Variants in CHODL observed in about 807,000 individuals in gnomAD.
CHODL encodes the protein chondrolectin.
A neutral mutation model predicts 34.5 loss-of-function variants in CHODL; 29 were observed. The ratio of observed to expected loss-of-function variants is 0.84; its 90% confidence interval spans 0.63 to 1.15. The LOEUF (loss-of-function observed/expected upper bound fraction) is 1.15, where lower values mean the gene tolerates loss of function less well. Among genes scored for constraint, CHODL ranks in the 50% most tolerant of loss-of-function variants. The probability of loss-of-function intolerance (pLI) is 0.00; values close to 1 mark genes in which losing one functional copy is unlikely to be tolerated. For synonymous variants in CHODL, 125 were observed against 116.1 expected (o/e 1.08, Z -0.49); for missense variants, 332 against 332.5 (o/e 1.00, Z 0.01).
intron 2 of CHODL, among the ~76,000 whole-genome samples, chr21:18,208,204 T>C (rs1285912647): frequency 6.6e-6 from 1 of 150,420 alleles, no homozygotes; most frequent in Non-Finnish European, 1.5e-5. Flanking sequence ...GACTGTGCAA[T>C]TTCAAATAGC....
intron 2 of CHODL, among the ~76,000 whole-genome samples, chr21:18,102,119 A>G (rs924124389): frequency 1.3e-5 from 2 of 152,152 alleles, no homozygotes; most frequent in African/African-American, 2.4e-5. Flanking sequence ...CTTGCATTTT[A>G]TAGCTGCCCA....
rs16998278 is a variant in CHODL, at chr21:18,256,843, G to A, written c.389+25G>A. On this transcript the variant is annotated intron_variant, in intron 2 of 5. Transcript: ENST00000299295. ...GGTGAGTATGGATCTTGAGCAGTTG[G>A]CAGGTGCTCTGGGGAACTCCAAAGA... 12,879 of 1,599,556 alleles carry A rather than the reference G, an allele frequency of 8.1e-3. 888 individuals carry two copies. In the African/African-American group the frequency reaches 0.15, roughly 19 times the overall value.
intron 2 of CHODL, among the ~76,000 whole-genome samples, chr21:18,120,213 G>T (rs2065463340): frequency 6.6e-6 from 1 of 152,000 alleles, no homozygotes; most frequent in East Asian, 1.9e-4. Flanking sequence ...CCAACATAAA[G>T]TTATTTTCTG....
intron 1 of CHODL, among the ~76,000 whole-genome samples, chr21:17,967,699 G>A (rs1324682613): frequency 2.7e-5 from 4 of 149,914 alleles, no homozygotes; most frequent in Middle Eastern, 6.8e-3. Flanking sequence ...AAGGAGGAGT[G>A]CAAAAAAGTG....
intron 1 of CHODL, among the ~76,000 whole-genome samples, chr21:17,975,116 A>G (rs1026750471): frequency 1.4e-4 from 21 of 152,110 alleles, no homozygotes; most frequent in Non-Finnish European, 2.5e-4. Context: ...ACACGAGGTC[A>G]GGAGTTCAAG....
chr21:18,129,025 T>C (rs137905922), intron 2 of CHODL, among the ~76,000 whole-genome samples: 1,949 of 152,222 alleles, frequency 0.013, 18 homozygotes, highest in Non-Finnish European at 0.022. Flanking sequence ...CCATATAAGA[T>C]GTATGTACTA....
intron 1 of CHODL, among the ~76,000 whole-genome samples, chr21:17,992,397 G>T (rs1480619497): frequency 6.6e-6 from 1 of 152,114 alleles, no homozygotes; most frequent in Non-Finnish European, 1.5e-5. Flanking sequence ...ATTGCTTTGG[G>T]CAGTGGTGGT....
chr21:18,017,286 C>G (rs158058), intron 1 of CHODL, among the ~76,000 whole-genome samples: 10,439 of 152,078 alleles, frequency 0.069, 1,099 homozygotes, highest in African/African-American at 0.23. Flanking sequence ...GGTGGGGCCT[C>G]GTGGGAGGTA....
rs75649157 is a variant in CHODL at position 18,038,366 on chromosome 21, A to C, written c.-45+10395A>C. On this transcript the variant is annotated intron_variant, in intron 2 of 6. Coordinates refer to the CHODL transcript ENST00000400127. ...ACCTCAGGCATTTGAATGATCATCAAAAATTATAAATTCAAGAGAAGTGGT... is the reference window on the plus strand; with the variant it reads ...ACCTCAGGCATTTGAATGATCATCACAAATTATAAATTCAAGAGAAGTGGT... Among the ~76,000 whole-genome samples the C allele has an allele frequency of 4.5e-3, 687 of 151,892 alleles. 2 individuals are homozygous for C. The highest frequency in any genetic ancestry group is 0.016 in the African/African-American group (653 of 41,540).
chr21:18,203,160 G>A (rs988786136), intron 2 of CHODL, among the ~76,000 whole-genome samples: 3 of 152,084 alleles, frequency 2.0e-5, no homozygotes, highest in African/African-American at 4.8e-5. Context: ...CAAGAACTTT[G>A]TTTTGCTTAA....
intron 1 of CHODL, among the ~76,000 whole-genome samples, chr21:17,936,625 TA>T (rs1289593543): frequency 6.6e-6 from 1 of 152,090 alleles, no homozygotes; most frequent in African/African-American, 2.4e-5. Flanking sequence ...CTTAAAATAA[TA>T]AAAACATATA....
intron 2 of CHODL, among the ~76,000 whole-genome samples, chr21:18,108,212 T>C (rs62215392): frequency 0.042 from 6,369 of 152,166 alleles, 150 homozygotes; most frequent in Middle Eastern, 0.051. Flanking sequence ...ATACTAGTTA[T>C]GTCTGCTGGA....
intron 2 of CHODL, among the ~76,000 whole-genome samples, chr21:18,075,526 C>A (rs1031981823): frequency 7.9e-5 from 12 of 152,140 alleles, no homozygotes; most frequent in African/African-American, 2.9e-4. Context: ...AGATACTTAA[C>A]CTCTCTTGGT....
chr21:17,983,975 A>G (rs894645192), intron 1 of CHODL, among the ~76,000 whole-genome samples: 1 of 152,146 alleles, frequency 6.6e-6, no homozygotes, highest in African/African-American at 2.4e-5. Flanking sequence ...TTTAAGTTGC[A>G]CAAGTCTGGA....
chr21:18,137,354 T>G (rs1190236059), intron 2 of CHODL, among the ~76,000 whole-genome samples: 1 of 152,208 alleles, frequency 6.6e-6, no homozygotes, highest in Non-Finnish European at 1.5e-5. Context: ...ACTATCATAA[T>G]TAGCATTTTT....
intron 2 of CHODL, among the ~76,000 whole-genome samples, chr21:18,227,430 C>G (rs1026833336): frequency 1.3e-5 from 2 of 151,996 alleles, no homozygotes; most frequent in Admixed American, 6.6e-5. Context: ...GTTTAAACAC[C>G]TCGTTTAAAA....
intron 2 of CHODL, among the ~76,000 whole-genome samples, chr21:18,214,300 T>C (rs2073802157): frequency 1.3e-5 from 2 of 152,150 alleles, no homozygotes; most frequent in East Asian, 3.9e-4. Context: ...CACCTTCCTC[T>C]GACCTTTCTC....
In CHODL at chr21:18,262,823, C is replaced by G. The variant is rs555296356; in HGVS notation, c.667C>G (p.Pro223Ala). 6.2e-6 allele frequency: 10 copies of G among 1,604,114 alleles called. No individual in the cohort carries two copies. In the East Asian group the frequency reaches 2.2e-4, roughly 36 times the overall value. The part of the protein sequence containing the change: ...IIPNLIYVVI[P>A]TIPLLLLILV... ...TCCCAATCTAATTTATGTTGTTATA[C>G]CAACAATACCCCTGCTCTTACTGAT... Residue 223 changes from proline to alanine, a missense_variant, in exon 5 of 6, where the codon CCA becomes GCA. Physicochemically the swap from Pro to Ala is conservative, Grantham distance 27 (BLOSUM62 -1). Transcript: ENST00000299295.
intron 2 of CHODL, among the ~76,000 whole-genome samples, chr21:18,098,176 C>A (rs1473915559): frequency 1.3e-5 from 2 of 151,968 alleles, no homozygotes; most frequent in Admixed American, 6.6e-5. Context: ...TAATACCCCA[C>A]AAGCACAGGC....
Sources: allele counts gnomAD v4.1 joint callset (sites outside exome capture counted in the v4.1 genomes callset), GRCh38; gene constraint gnomAD v4.1.1; transcripts MANE v1.5; gene names NCBI Gene and HGNC (gene_info 2026-07-23, HGNC 2026-07-21).